The following PRKN variants were observed in gnomAD, a reference collection of about 807,000 sequenced individuals.
PRKN encodes the protein parkin RBR E3 ubiquitin protein ligase.
A neutral mutation model predicts 59.5 loss-of-function variants in PRKN; 56 were observed. That is an observed-to-expected ratio of 0.94 (90% CI 0.76 to 1.18). The LOEUF (loss-of-function observed/expected upper bound fraction) is 1.18, where lower values mean the gene tolerates loss of function less well. Among genes scored for constraint, PRKN ranks in the 50% most tolerant of loss-of-function variants. PRKN has a pLI of 0.00. For missense variants in PRKN, 657 were observed against 596.4 expected (o/e 1.10, Z -1.06); for synonymous variants, 250 against 222.1 (o/e 1.13, Z -1.12).
At chr6:161,845,655 T>A (rs774308490) in intron 6 of PRKN, among the ~76,000 whole-genome samples, 7 of 152,170 alleles carry the variant, frequency 4.6e-5, no homozygotes, top group Non-Finnish European at 7.3e-5. Context: ...TTAGTTTCCG[T>A]AAAGACATTA....
intron 1 of PRKN, among the ~76,000 whole-genome samples, chr6:162,582,529 G>T (rs1326832004): frequency 6.6e-6 from 1 of 152,118 alleles, no homozygotes; most frequent in Non-Finnish European, 1.5e-5. Flanking sequence ...GTTACGAATA[G>T]AAATTTATTT....
intron 7 of PRKN, among the ~76,000 whole-genome samples, chr6:161,724,891 A>G (rs964102399): frequency 3.3e-5 from 5 of 152,218 alleles, no homozygotes; most frequent in African/African-American, 4.8e-5. Flanking sequence ...TGTTTGGGTC[A>G]TAGGGGTGAA....
chr6:162,719,654 G>C (rs904323931), intron 1 of PRKN, among the ~76,000 whole-genome samples: 2 of 152,174 alleles, frequency 1.3e-5, no homozygotes, highest in Admixed American at 1.3e-4. Flanking sequence ...GTCTCCAGTA[G>C]GAGCTGTGGT....
At chr6:162,164,243 T>C (rs993154435) in intron 4 of PRKN, among the ~76,000 whole-genome samples, 4 of 149,204 alleles carry the variant, frequency 2.7e-5, no homozygotes, top group African/African-American at 1.0e-4. Flanking sequence ...TGTTTGCTTT[T>C]GTTTGGAGAC....
rs187578067 is a variant in PRKN at position 162,326,942 on chromosome 6, C to T, written c.172-64177G>A. On this transcript the variant is annotated intron_variant, in intron 2 of 11. Transcript: ENST00000366898. ...CTACATTTTTTTAAAGAATAATTTACATCAAAATTTTTCTCTAACTCTACC... is the reference window on the plus strand; with the variant it reads ...CTACATTTTTTTAAAGAATAATTTATATCAAAATTTTTCTCTAACTCTACC... Among the ~76,000 whole-genome samples the T allele has an allele frequency of 1.1e-3, 164 of 152,214 alleles. 1 individual carries two copies. Among genetic ancestry groups the T allele is most frequent in the African/African-American group, 3.8e-3 (157 of 41,540 alleles).
At chr6:162,156,802 CA>C (rs1208544478) in intron 4 of PRKN, among the ~76,000 whole-genome samples, 1 of 152,114 alleles carries the variant, frequency 6.6e-6, no homozygotes, top group Non-Finnish European at 1.5e-5. Context: ...CCTTGATTAG[CA>C]GACAATGTTC....
chr6:161,648,851 C>T (rs1209221905), intron 7 of PRKN, among the ~76,000 whole-genome samples: 1 of 152,134 alleles, frequency 6.6e-6, no homozygotes, highest in Non-Finnish European at 1.5e-5. Context: ...CAACCATGAA[C>T]TTGGAAAATC....
intron 2 of PRKN, among the ~76,000 whole-genome samples, chr6:162,374,026 C>T (rs9365410): frequency 0.17 from 25,596 of 152,154 alleles, 3,705 homozygotes; most frequent in East Asian, 0.53. Context: ...TGGTGATCTT[C>T]GTGATTGGAA....
At chr6:161,624,729 G>A (rs1365347436) in intron 7 of PRKN, among the ~76,000 whole-genome samples, 1 of 152,212 alleles carries the variant, frequency 6.6e-6, no homozygotes, top group Non-Finnish European at 1.5e-5. Flanking sequence ...GTTGCAGATG[G>A]ACACACACAT....
At chr6:162,012,133 T>C (rs1232097869) in intron 5 of PRKN, among the ~76,000 whole-genome samples, 1 of 152,156 alleles carries the variant, frequency 6.6e-6, no homozygotes, top group African/African-American at 2.4e-5. Context: ...AGAAATCGTT[T>C]AACCATGATG....
At chr6:162,585,774 C>T (rs973174500) in intron 1 of PRKN, among the ~76,000 whole-genome samples, 85 of 150,284 alleles carry the variant, frequency 5.7e-4, no homozygotes, top group African/African-American at 1.9e-3. Flanking sequence ...GTGATCTCGG[C>T]TCACTGCAAC....
At chr6:162,622,313 T>TTTTTG (rs1782708906) in intron 1 of PRKN, among the ~76,000 whole-genome samples, 3 of 151,080 alleles carry the variant, frequency 2.0e-5, no homozygotes, top group South Asian at 2.1e-4. Flanking sequence ...GTTTTGTTTT[T>TTTTTG]TTTTGGTAGC....
chr6:162,472,323 TA>T, intron 1 of PRKN, among the ~76,000 whole-genome samples: 1 of 150,944 alleles, frequency 6.6e-6, no homozygotes, highest in South Asian at 2.1e-4. Flanking sequence ...TCATTTACAT[TA>T]GGTATATCTC....
intron 2 of PRKN, among the ~76,000 whole-genome samples, chr6:162,263,584 G>A (rs1425643945): frequency 6.6e-6 from 1 of 152,166 alleles, no homozygotes; most frequent in Non-Finnish European, 1.5e-5. Context: ...ACATTTTGTA[G>A]CATAAAAATT....
chr6:162,151,435 A>G (rs1231595359), intron 4 of PRKN, among the ~76,000 whole-genome samples: 1 of 152,048 alleles, frequency 6.6e-6, no homozygotes, highest in Non-Finnish European at 1.5e-5. Context: ...GCAATTCTTC[A>G]CCTCCCAGTC....
chr6:162,245,429 C>G (rs1025474069), intron 3 of PRKN, among the ~76,000 whole-genome samples: 3 of 151,944 alleles, frequency 2.0e-5, no homozygotes, highest in Non-Finnish European at 2.9e-5. Context: ...ATTTATACAG[C>G]TTGCTGCTTC....
At chr6:162,254,772 G>A (rs1779576702) in intron 3 of PRKN, among the ~76,000 whole-genome samples, 1 of 151,984 alleles carries the variant, frequency 6.6e-6, no homozygotes, top group African/African-American at 2.4e-5. Context: ...ATGAAGTGGG[G>A]TACACACTCA....
At chr6:162,158,464 C>T (rs1021691762) in intron 4 of PRKN, among the ~76,000 whole-genome samples, 4 of 150,010 alleles carry the variant, frequency 2.7e-5, no homozygotes, top group African/African-American at 9.9e-5. Context: ...TGGAATCCCA[C>T]TCTGTCGCCC....
intron 1 of PRKN, among the ~76,000 whole-genome samples, chr6:162,465,209 A>G (rs553780893): frequency 3.3e-5 from 5 of 152,354 alleles, no homozygotes; most frequent in African/African-American, 1.2e-4. Flanking sequence ...CCAAGCTTGC[A>G]TGCAACTCTA....
Sources: gnomAD v4.1 joint callset for allele counts (sites outside exome capture counted in the v4.1 genomes callset) on GRCh38, gnomAD v4.1.1 for gene constraint, MANE v1.5 for transcripts, NCBI Gene and HGNC (gene_info 2026-07-23, HGNC 2026-07-21) for gene names.